The following REEP1 variants were observed in gnomAD, a reference collection of about 807,000 sequenced individuals.
The protein encoded by REEP1 is receptor expression-enhancing protein 1.
In REEP1, 22 loss-of-function variants were observed where a neutral mutation model predicts 40.3. The observed-to-expected ratio is 0.55, with a 90% CI of 0.39 to 0.78. The LOEUF (loss-of-function observed/expected upper bound fraction) is 0.78. REEP1 is among the 30% of genes least tolerant of loss of function. The pLI is 0.00. For synonymous variants in REEP1, 116 were observed against 139.2 expected (o/e 0.83, Z 1.17); for missense variants, 280 against 361.1 (o/e 0.78, Z 1.82).
At chr2:86,237,552 C>T (rs1186380397) in intron 5 of REEP1, among the ~76,000 whole-genome samples, 4 of 152,088 alleles carry the variant, frequency 2.6e-5, no homozygotes, top group Admixed American at 2.6e-4. Flanking sequence ...GATGGAGTTT[C>T]ACTCTTGTCA....
chr2:86,283,495 A>T (rs980764659), intron 1 of REEP1, among the ~76,000 whole-genome samples: 2 of 152,320 alleles, frequency 1.3e-5, no homozygotes, highest in South Asian at 4.1e-4. Flanking sequence ...CACACTGAAG[A>T]AACCCAAAGC....
At chr2:86,230,169 T>C (rs1201455407) in intron 6 of REEP1, among the ~76,000 whole-genome samples, 1 of 152,224 alleles carries the variant, frequency 6.6e-6, no homozygotes, top group African/African-American at 2.4e-5. Context: ...CCTCTGCTCA[T>C]GGAGAGTGGC....
intron 3 of REEP1, among the ~76,000 whole-genome samples, chr2:86,259,648 A>G (rs1250722407): frequency 6.6e-6 from 1 of 152,076 alleles, no homozygotes; most frequent in African/African-American, 2.4e-5. Context: ...TCGGCCTCCC[A>G]AAGTGCTGGG....
intron 6 of REEP1, among the ~76,000 whole-genome samples, chr2:86,229,876 T>TA (rs1674915953): frequency 1.3e-5 from 2 of 152,050 alleles, no homozygotes; most frequent in Non-Finnish European, 2.9e-5. Flanking sequence ...CCTCCCAAAG[T>TA]GCTGGGATTA....
At chr2:86,229,731 A>C in intron 6 of REEP1, among the ~76,000 whole-genome samples, 2 of 148,112 alleles carry the variant, frequency 1.4e-5, no homozygotes, top group African/African-American at 2.5e-5. Context: ...TGCCTCAGCT[A>C]CTCCATGAGT....
intron 1 of REEP1, among the ~76,000 whole-genome samples, chr2:86,335,640 G>C (rs888387228): frequency 6.6e-6 from 1 of 152,126 alleles, no homozygotes; most frequent in Non-Finnish European, 1.5e-5. Context: ...CACTAGGTCA[G>C]GAGTTCAAGA....
intron 2 of REEP1, among the ~76,000 whole-genome samples, chr2:86,271,061 G>A (rs1174017372): frequency 6.6e-6 from 1 of 151,978 alleles, no homozygotes; most frequent in Admixed American, 6.5e-5. Context: ...GCATGGTGGT[G>A]AGTGCCTGTA....
chr2:86,296,967 C>T (rs778520482), intron 1 of REEP1, among the ~76,000 whole-genome samples: 3 of 152,214 alleles, frequency 2.0e-5, no homozygotes, highest in African/African-American at 4.8e-5. Flanking sequence ...AGCGAGGGAC[C>T]GTGTTGCTCC....
chr2:86,317,845 C>T (rs946258660), intron 1 of REEP1, among the ~76,000 whole-genome samples: 2 of 152,208 alleles, frequency 1.3e-5, no homozygotes, highest in Non-Finnish European at 2.9e-5. Context: ...GCACTTGTGT[C>T]ACTGAGTTGT....
intron 8 of REEP1, among the ~76,000 whole-genome samples, chr2:86,217,378 GAC>G (rs1220721538): frequency 6.6e-6 from 1 of 152,162 alleles, no homozygotes; most frequent in Admixed American, 6.5e-5. Context: ...TGTGCAGAAT[GAC>G]ACATCTTTCT....
At chr2:86,231,508 C>T (rs79329534) in intron 6 of REEP1, among the ~76,000 whole-genome samples, 4,624 of 152,308 alleles carry the variant, frequency 0.03, 168 homozygotes, top group East Asian at 0.19. Flanking sequence ...GCTAAGACCC[C>T]CGGGCATCAG....
At chr2:86,233,081 C>G (rs1574006245) in intron 5 of REEP1, among the ~76,000 whole-genome samples, 1 of 152,212 alleles carries the variant, frequency 6.6e-6, no homozygotes, top group Non-Finnish European at 1.5e-5. Context: ...CGATGATGAT[C>G]CGGAGCCTCA....
At chr2:86,261,332 T>C (rs371068305) in intron 3 of REEP1, among the ~76,000 whole-genome samples, 28 of 152,212 alleles carry the variant, frequency 1.8e-4, no homozygotes, top group African/African-American at 6.8e-4. Flanking sequence ...AGATTGTTAC[T>C]GTGTCTGTGT....
chr2:86,254,288 C>A (rs1676428455), intron 4 of REEP1, among the ~76,000 whole-genome samples: 1 of 152,084 alleles, frequency 6.6e-6, no homozygotes, highest in Non-Finnish European at 1.5e-5. Context: ...ACCTTATACC[C>A]CTGAGTAGCT....
At chr2:86,269,841 T>C (rs1010408957) in intron 2 of REEP1, among the ~76,000 whole-genome samples, 5 of 147,506 alleles carry the variant, frequency 3.4e-5, no homozygotes, top group African/African-American at 9.9e-5. Context: ...ATTTAAAATA[T>C]AAAAAAAAAA....
chr2:86,270,088 T>C (rs952942298), intron 2 of REEP1, among the ~76,000 whole-genome samples: 2 of 152,248 alleles, frequency 1.3e-5, no homozygotes, highest in Non-Finnish European at 2.9e-5. Context: ...AAACTTTTAT[T>C]ATGAAAACTA....
At chr2:86,300,730 G>A (rs913776130) in intron 1 of REEP1, among the ~76,000 whole-genome samples, 1 of 152,180 alleles carries the variant, frequency 6.6e-6, no homozygotes, top group African/African-American at 2.4e-5. Context: ...GCTAAGGCCA[G>A]TTGGTTTTAT....
At chr2:86,265,349 A>C (rs1283105092) in intron 2 of REEP1, among the ~76,000 whole-genome samples, 1 of 152,162 alleles carries the variant, frequency 6.6e-6, no homozygotes, top group Non-Finnish European at 1.5e-5. Flanking sequence ...TAGCAATAAA[A>C]ATTACATCCT....
chr2:86,289,088 A>G (rs4832272), intron 1 of REEP1, among the ~76,000 whole-genome samples: 54,838 of 152,070 alleles, frequency 0.36, 11,942 homozygotes, highest in East Asian at 0.58. Flanking sequence ...TTTAAATTTT[A>G]TATAGACAAA....
Sources: gnomAD v4.1 joint callset for allele counts (sites outside exome capture counted in the v4.1 genomes callset) on GRCh38, gnomAD v4.1.1 for gene constraint, MANE v1.5 for transcripts, NCBI Gene and HGNC (gene_info 2026-07-23, HGNC 2026-07-21) for gene names.